EBF1: variants seen among roughly 807,000 people sequenced by gnomAD.
EBF1 encodes EBF transcription factor 1, also known as transcription factor COE1.
A neutral mutation model predicts 68.4 loss-of-function variants in EBF1; 10 were observed. That is an observed-to-expected ratio of 0.15 (90% confidence interval 0.09 to 0.25). EBF1 has a LOEUF of 0.25. Ranked by LOEUF, EBF1 falls within the 10% of genes least tolerant of loss-of-function variation. EBF1 has a pLI of 1.00. For synonymous variants in EBF1, 298 were observed against 299.8 expected (o/e 0.99, Z 0.06); for missense variants, 509 against 794.4 (o/e 0.64, Z 4.32).
At chr5:158,878,193 T>C (rs1396165976) in intron 6 of EBF1, among the ~76,000 whole-genome samples, 3 of 152,094 alleles carry the variant, frequency 2.0e-5, no homozygotes, top group Non-Finnish European at 2.9e-5. Flanking sequence ...AATGAGAATA[T>C]TGACCTGCTT....
chr5:158,951,721 G>A (rs894742166), intron 6 of EBF1, among the ~76,000 whole-genome samples: 6 of 152,194 alleles, frequency 3.9e-5, no homozygotes, highest in South Asian at 2.1e-4. Context: ...GGACCAAGAG[G>A]GTGATAATGA....
intron 6 of EBF1, among the ~76,000 whole-genome samples, chr5:158,981,621 TATTAAAACTC>T (rs1321177251): frequency 6.6e-6 from 1 of 152,122 alleles, no homozygotes; most frequent in East Asian, 1.9e-4. Flanking sequence ...AATATTAAAA[TATTAAAACTC>T]ATTAAAAATT....
At chr5:159,089,587 G>C (rs1781266753) in intron 4 of EBF1, among the ~76,000 whole-genome samples, 1 of 152,094 alleles carries the variant, frequency 6.6e-6, no homozygotes. Context: ...TGGTTTTTCT[G>C]TGTTTACTTT....
At chr5:159,063,871 C>T (rs1197247171) in intron 6 of EBF1, among the ~76,000 whole-genome samples, 3 of 152,180 alleles carry the variant, frequency 2.0e-5, no homozygotes, top group South Asian at 2.1e-4. Flanking sequence ...ATCCTCACAA[C>T]GCTTCAAAAT....
At chr5:159,060,737 C>T (rs1411945792) in intron 6 of EBF1, among the ~76,000 whole-genome samples, 1 of 152,062 alleles carries the variant, frequency 6.6e-6, no homozygotes, top group Non-Finnish European at 1.5e-5. Flanking sequence ...GTATATCACC[C>T]TCGTCCTTAT....
chr5:158,794,847 A>C (rs1227517504), intron 9 of EBF1, among the ~76,000 whole-genome samples: 1 of 152,162 alleles, frequency 6.6e-6, no homozygotes, highest in Non-Finnish European at 1.5e-5. Context: ...TTTACAACCC[A>C]ATAGTTTCAA....
intron 6 of EBF1, among the ~76,000 whole-genome samples, chr5:158,914,609 G>A (rs986154515): frequency 6.6e-6 from 1 of 151,958 alleles, no homozygotes; most frequent in African/African-American, 2.4e-5. Context: ...TTAAGAAAAA[G>A]AAAAGGAGGG....
intron 7 of EBF1, 129 bp from the exon 8 acceptor site, chr5:158,823,446 CT>C: frequency 1.2e-6 from 1 of 865,068 alleles, no homozygotes; most frequent in Non-Finnish European, 1.7e-6. Context: ...ATAACTGGTG[CT>C]TATGCTGTAC....
intron 6 of EBF1, among the ~76,000 whole-genome samples, chr5:159,024,076 G>T (rs1000899753): frequency 2.0e-5 from 3 of 152,114 alleles, no homozygotes; most frequent in African/African-American, 7.2e-5. Context: ...CCTAAGAAAG[G>T]GAAAGCCCAT....
intron 6 of EBF1, among the ~76,000 whole-genome samples, chr5:158,879,361 CA>C (rs1198639878): frequency 6.6e-6 from 1 of 152,118 alleles, no homozygotes; most frequent in Non-Finnish European, 1.5e-5. Context: ...ATGGGTTTGG[CA>C]AAGAGGCTGT....
intron 8 of EBF1, among the ~76,000 whole-genome samples, chr5:158,805,793 A>T (rs114761608): frequency 0.015 from 2,346 of 152,120 alleles, 57 homozygotes; most frequent in African/African-American, 0.054. Context: ...AGATTAGATG[A>T]TGTATAATTC....
At position 158,881,785 on chromosome 5, in the gene EBF1, A is replaced by C. The variant is rs577331891; in HGVS notation, c.555-41675T>G. Among the ~76,000 whole-genome samples, 4 of 152,272 alleles carry C rather than the reference A, an allele frequency of 2.6e-5. No individual in the cohort carries two copies. The East Asian group carries it at 7.7e-4, about 29-fold the overall frequency. ...CAATCCTTGTCTGCTTCCAGCAGCA[A>C]ATCAGTGATTTGGGCTCAGGGAGGA... On this transcript the variant is annotated intron_variant, in intron 6 of 15. Coordinates refer to ENST00000313708, the MANE Select transcript of EBF1 (RefSeq NM_024007.5).
chr5:158,725,532 T>C (rs1762815906), intron 11 of EBF1, among the ~76,000 whole-genome samples: 1 of 152,260 alleles, frequency 6.6e-6, no homozygotes, highest in South Asian at 2.1e-4. Flanking sequence ...GAATTTTTTA[T>C]TGGTGCTGTG....
chr5:158,915,462 T>A (rs781473833), intron 6 of EBF1, among the ~76,000 whole-genome samples: 1 of 152,226 alleles, frequency 6.6e-6, no homozygotes, highest in Non-Finnish European at 1.5e-5. Context: ...AAGTAGGACA[T>A]GGCCACAGCA....
At chr5:159,071,171 A>C (rs1777726568) in intron 6 of EBF1, among the ~76,000 whole-genome samples, 1 of 152,206 alleles carries the variant, frequency 6.6e-6, no homozygotes, top group South Asian at 2.1e-4. Context: ...AAAAATAGCT[A>C]AATGGGGTTT....
At chr5:158,856,048 A>G (rs1003296828) in intron 6 of EBF1, among the ~76,000 whole-genome samples, 2 of 152,376 alleles carry the variant, frequency 1.3e-5, no homozygotes, top group African/African-American at 2.4e-5. Flanking sequence ...AGAGTCTTCA[A>G]ATTTAAGAAA....
At chr5:158,921,422 C>T (rs1418088909) in intron 6 of EBF1, among the ~76,000 whole-genome samples, 1 of 152,194 alleles carries the variant, frequency 6.6e-6, no homozygotes, top group Non-Finnish European at 1.5e-5. Context: ...TTAGGACTCG[C>T]ATCTGCTCCT....
At chr5:158,748,318 T>G (rs1289076060) in intron 10 of EBF1, among the ~76,000 whole-genome samples, 1 of 152,118 alleles carries the variant, frequency 6.6e-6, no homozygotes, top group Non-Finnish European at 1.5e-5. Flanking sequence ...AACTGGCAAG[T>G]TTCCCCTCAT....
chr5:159,073,231 C>T (rs1220051394), intron 6 of EBF1, among the ~76,000 whole-genome samples, 165 bp downstream of exon 6: 2 of 152,164 alleles, frequency 1.3e-5, no homozygotes, highest in Non-Finnish European at 2.9e-5. Flanking sequence ...AAGAACATTC[C>T]ATATGGCTTT....
Sources: gnomAD v4.1 joint callset for allele counts (sites outside exome capture counted in the v4.1 genomes callset) on GRCh38, gnomAD v4.1.1 for gene constraint, MANE v1.5 for transcripts, NCBI Gene and HGNC (gene_info 2026-07-23, HGNC 2026-07-21) for gene names.